The following STAB2 variants were observed in gnomAD, a reference collection of about 807,000 sequenced individuals.
STAB2 encodes the protein stabilin-2.
Under a neutral mutation model 338.1 loss-of-function variants are expected in STAB2, and 288 were observed. The observed-to-expected ratio is 0.85, with a 90% CI of 0.77 to 0.94. The LOEUF is 0.94. Ranked by LOEUF, STAB2 falls within the 40% of genes least tolerant of loss-of-function variation. The probability of loss-of-function intolerance (pLI) is 0.00; values close to 1 mark genes in which losing one functional copy is unlikely to be tolerated. For synonymous variants in STAB2, 1,202 were observed against 1,193.3 expected, an observed-to-expected ratio of 1.01 and a Z score of -0.15; for missense variants, 3,141 against 3,210.1, an observed-to-expected ratio of 0.98 and a Z score of 0.52.
chr12:103,732,881 T>G, intron 50 of STAB2, 125 bp from the exon 51 acceptor site: 2 of 1,106,788 alleles, frequency 1.8e-6, no homozygotes, highest in Non-Finnish European at 2.6e-6. Context: ...GCATCACCCT[T>G]GAACCATCCA....
intron 27 of STAB2, 89 bp from the exon 28 acceptor site, chr12:103,688,079 C>G (rs1236779428): frequency 1.2e-5 from 16 of 1,320,568 alleles, no homozygotes; most frequent in Non-Finnish European, 1.7e-5. Flanking sequence ...TGCAGGTGAC[C>G]CAGAGATGCA....
chr12:103,730,389 T>A, intron 49 of STAB2, 133 bp downstream of exon 49: 1 of 1,026,840 alleles, frequency 9.7e-7, no homozygotes, highest in Non-Finnish European at 1.4e-6. Flanking sequence ...AAAAGCCTAG[T>A]AAACATTATT....
At chr12:103,713,910 A>G in intron 42 of STAB2, 142 bp downstream of exon 42, 1 of 1,374,770 alleles carries the variant, frequency 7.3e-7, no homozygotes, top group Non-Finnish European at 9.8e-7. Flanking sequence ...GTATAAGGGC[A>G]TGGAAAAGTG....
chr12:103,742,827 G>C (rs1882695573), intron 56 of STAB2, among the ~76,000 whole-genome samples: 1 of 152,174 alleles, frequency 6.6e-6, no homozygotes, highest in Admixed American at 6.5e-5. Context: ...AACCAATGTG[G>C]ATTTACTAAG....
intron 48 of STAB2, 75 bp downstream of exon 48, chr12:103,729,070 C>T (rs775744340): frequency 6.9e-7 from 1 of 1,441,038 alleles, no homozygotes; most frequent in East Asian, 2.3e-5. Context: ...GAGCTGGAGG[C>T]CATCATCCTC....
At chr12:103,762,537 C>A (rs1884615498) in intron 67 of STAB2, 135 bp downstream of exon 67, 2 of 1,335,948 alleles carry the variant, frequency 1.5e-6, no homozygotes, top group African/African-American at 1.4e-5. Context: ...CAGGGGCGGC[C>A]ACCCACCCCA....
chr12:103,744,461 CT>C (rs3035275), intron 56 of STAB2, among the ~76,000 whole-genome samples: 6,402 of 122,208 alleles, frequency 0.052, 181 homozygotes, highest in Non-Finnish European at 0.064. Flanking sequence ...CACAATTTTA[CT>C]TTTTTTTTTT....
chr12:103,690,906 T>C (rs1204434920), intron 30 of STAB2, among the ~76,000 whole-genome samples: 1 of 152,238 alleles, frequency 6.6e-6, no homozygotes, highest in Non-Finnish European at 1.5e-5. Context: ...AGAAATGAAA[T>C]TGAATCTTTA....
chr12:103,713,837 G>C, intron 42 of STAB2, 69 bp downstream of exon 42: 5 of 1,585,334 alleles, frequency 3.2e-6, no homozygotes, highest in Non-Finnish European at 4.3e-6. Flanking sequence ...TGATTCCAAC[G>C]TGTGTGCCCT....
chr12:103,608,395 G>A (rs142635005), intron 3 of STAB2, among the ~76,000 whole-genome samples: 1,759 of 152,152 alleles, frequency 0.012, 31 homozygotes, highest in African/African-American at 0.04. Context: ...GCCCGCCTCC[G>A]CCTCCCAAAG....
intron 57 of STAB2, among the ~76,000 whole-genome samples, 184 bp downstream of exon 57, chr12:103,745,461 T>C (rs1216588148): frequency 6.6e-6 from 1 of 152,224 alleles, no homozygotes; most frequent in Non-Finnish European, 1.5e-5. Flanking sequence ...GCAGTAAAAC[T>C]AGATGAAAAG....
chr12:103,757,931 A>C, intron 63 of STAB2: 1 of 547,542 alleles, frequency 1.8e-6, no homozygotes, highest in Non-Finnish European at 3.2e-6. Context: ...CTGCTCAAGC[A>C]GCCACGTGGA....
In STAB2 at chr12:103,690,464, C is replaced by T; in HGVS notation, c.3223C>T (p.Gln1075Ter). 6.2e-7 allele frequency: 1 copy of T among 1,614,120 alleles called. No homozygotes were observed. Residue 1075 changes from glutamine (Q) to a stop codon, truncating the protein, a stop_gained, in exon 30 of 69, where the codon CAG becomes TAG. Transcript: ENST00000388887. LOFTEE classifies it high-confidence loss of function. ...AGGCACATACAGAGTGGCAGATCTG[C>T]AGACCCTGTCTTCTTCTGACATGTT... ...LLGTYRVADL[Q>*]TLSSSDMLAT...
At chr12:103,695,048 C>T (rs1228349349) in intron 31 of STAB2, among the ~76,000 whole-genome samples, 3 of 152,196 alleles carry the variant, frequency 2.0e-5, no homozygotes, top group Non-Finnish European at 4.4e-5. Context: ...TATTACATAG[C>T]ACAAGCCAAA....
intron 67 of STAB2, 121 bp downstream of exon 67, chr12:103,762,523 G>A: frequency 6.7e-7 from 1 of 1,498,688 alleles, no homozygotes; most frequent in South Asian, 1.3e-5. Context: ...GTGTCACACA[G>A]TAGCAGGGGC....
intron 25 of STAB2, among the ~76,000 whole-genome samples, chr12:103,679,690 G>C (rs1041073651): frequency 1.3e-5 from 2 of 152,068 alleles, no homozygotes; most frequent in East Asian, 3.9e-4. Flanking sequence ...AGTGTAAAAT[G>C]GTACAGCTGC....
intron 27 of STAB2, among the ~76,000 whole-genome samples, chr12:103,686,215 G>T (rs576639608): frequency 2.0e-5 from 3 of 152,026 alleles, no homozygotes; most frequent in Admixed American, 6.6e-5. Flanking sequence ...CCCAGGACCC[G>T]CAGCCTGCAC....
At chr12:103,642,960 T>G (rs1873035764) in intron 9 of STAB2, among the ~76,000 whole-genome samples, 1 of 152,224 alleles carries the variant, frequency 6.6e-6, no homozygotes, top group Non-Finnish European at 1.5e-5. Flanking sequence ...GAACTACTTA[T>G]TATTTGTCTT....
chr12:103,624,886 C>A (rs548131924), intron 5 of STAB2, among the ~76,000 whole-genome samples: 1 of 143,844 alleles, frequency 7.0e-6, no homozygotes, highest in South Asian at 2.2e-4. Flanking sequence ...TGCAGTGAGC[C>A]GAGATCGTGC....
Sources: gnomAD v4.1 joint callset for allele counts (sites outside exome capture counted in the v4.1 genomes callset) on GRCh38, gnomAD v4.1.1 for gene constraint, MANE v1.5 for transcripts, NCBI Gene and HGNC (gene_info 2026-07-23, HGNC 2026-07-21) for gene names.